Variants in PDE4B observed in about 807,000 individuals in gnomAD.
PDE4B encodes phosphodiesterase 4B.
Under a neutral mutation model 82.2 loss-of-function variants are expected in PDE4B, and 20 were observed. That is an observed-to-expected ratio of 0.24 (90% confidence interval 0.17 to 0.35). The LOEUF (loss-of-function observed/expected upper bound fraction) is 0.35. PDE4B is among the 10% of genes least tolerant of loss of function. The pLI, the probability that PDE4B is intolerant of heterozygous loss-of-function variation, is 1.00. For missense variants in PDE4B, 655 were observed against 907.2 expected (o/e 0.72, Z 3.57); for synonymous variants, 320 against 318.9 (o/e 1.00, Z -0.04).
intron 1 of PDE4B, among the ~76,000 whole-genome samples, chr1:65,892,278 C>T (rs1646860168): frequency 6.6e-6 from 1 of 152,142 alleles, no homozygotes; most frequent in South Asian, 2.1e-4. Context: ...AGGTATCTAT[C>T]TACAAACCAG....
At chr1:66,263,547 C>T (rs1654833075) in intron 6 of PDE4B, among the ~76,000 whole-genome samples, 1 of 152,144 alleles carries the variant, frequency 6.6e-6, no homozygotes, top group African/African-American at 2.4e-5. Context: ...TACTATTTGC[C>T]AGGCAATATG....
At chr1:66,371,624 C>T (rs1570802088) in intron 16 of PDE4B, among the ~76,000 whole-genome samples, 1 of 152,130 alleles carries the variant, frequency 6.6e-6, no homozygotes, top group East Asian at 1.9e-4. Context: ...AAAACAATTG[C>T]ATGGATGTCC....
chr1:66,066,325 T>G (rs1443560785), intron 3 of PDE4B, among the ~76,000 whole-genome samples: 1 of 151,806 alleles, frequency 6.6e-6, no homozygotes, highest in East Asian at 1.9e-4. Context: ...CATTTTTTAG[T>G]CATGTAGATA....
At chr1:66,090,306 G>T (rs1302866039) in intron 3 of PDE4B, among the ~76,000 whole-genome samples, 1 of 151,820 alleles carries the variant, frequency 6.6e-6, no homozygotes, top group Non-Finnish European at 1.5e-5. Context: ...TTCTTCCAGG[G>T]GTGATACAGC....
chr1:66,240,875 G>T (rs1288058482), intron 3 of PDE4B, among the ~76,000 whole-genome samples: 1 of 152,174 alleles, frequency 6.6e-6, no homozygotes, highest in Non-Finnish European at 1.5e-5. Flanking sequence ...AAAGACTGAG[G>T]TGTGGGGGGC....
intron 3 of PDE4B, among the ~76,000 whole-genome samples, chr1:65,958,549 G>A (rs1649373069): frequency 6.6e-6 from 1 of 151,878 alleles, no homozygotes; most frequent in African/African-American, 2.4e-5. Flanking sequence ...TAAATAATGT[G>A]GTAGGATTCA....
At chr1:66,218,439 G>T (rs960735602) in intron 3 of PDE4B, among the ~76,000 whole-genome samples, 2 of 152,122 alleles carry the variant, frequency 1.3e-5, no homozygotes, top group Admixed American at 6.6e-5. Context: ...AGGGAGGTAG[G>T]GAGATGACTC....
chr1:65,935,444 T>G (rs962485531), intron 3 of PDE4B, among the ~76,000 whole-genome samples: 6 of 151,888 alleles, frequency 4.0e-5, no homozygotes, highest in African/African-American at 7.3e-5. Context: ...TAGCTCTGGG[T>G]GAGTCAGTGA....
chr1:65,952,134 T>A (rs1569797700), intron 3 of PDE4B, among the ~76,000 whole-genome samples: 1 of 152,112 alleles, frequency 6.6e-6, no homozygotes, highest in East Asian at 1.9e-4. Context: ...ACCCTGATTG[T>A]AGGACCCTGC....
intron 6 of PDE4B, among the ~76,000 whole-genome samples, chr1:66,264,992 C>T (rs1454547238): frequency 2.0e-5 from 3 of 152,222 alleles, no homozygotes; most frequent in Admixed American, 6.5e-5. Context: ...TTGAGAACCA[C>T]TGGACTAGAG....
chr1:66,170,087 A>C (rs150376189), intron 3 of PDE4B, among the ~76,000 whole-genome samples: 1 of 152,362 alleles, frequency 6.6e-6, no homozygotes, highest in African/African-American at 2.4e-5. Flanking sequence ...CAGGGAAGAT[A>C]ATGAAAATGA....
chr1:66,063,315 A>C (rs2100902988), intron 3 of PDE4B, among the ~76,000 whole-genome samples: 1 of 152,106 alleles, frequency 6.6e-6, no homozygotes, highest in Non-Finnish European at 1.5e-5. Flanking sequence ...ATCCTTTAGA[A>C]TTGAAGAGTA....
intron 9 of PDE4B, among the ~76,000 whole-genome samples, chr1:66,360,947 G>T (rs1234637463): frequency 6.6e-6 from 1 of 151,988 alleles, no homozygotes; most frequent in Admixed American, 6.6e-5. Context: ...TTATTTATTG[G>T]TAGAATTAAT....
At chr1:66,201,521 G>C (rs1648949144) in intron 3 of PDE4B, among the ~76,000 whole-genome samples, 1 of 151,928 alleles carries the variant, frequency 6.6e-6, no homozygotes, top group South Asian at 2.1e-4. Context: ...CACAATTTCA[G>C]ACCCTGTTAT....
At chr1:65,918,354 CATT>C (rs1241471007) in intron 2 of PDE4B, among the ~76,000 whole-genome samples, 1 of 152,192 alleles carries the variant, frequency 6.6e-6, no homozygotes, top group East Asian at 1.9e-4. Context: ...AACTAGTAAA[CATT>C]ATCTATATGC....
intron 1 of PDE4B, among the ~76,000 whole-genome samples, chr1:65,872,969 A>T (rs1646591690): frequency 6.6e-6 from 1 of 152,326 alleles, no homozygotes; most frequent in East Asian, 1.9e-4. Flanking sequence ...ACATCTTCAT[A>T]TGCAAATAAA....
intron 3 of PDE4B, among the ~76,000 whole-genome samples, chr1:66,176,606 T>G (rs952359940): frequency 6.6e-6 from 1 of 152,248 alleles, no homozygotes; most frequent in African/African-American, 2.4e-5. Flanking sequence ...AACTGGTATT[T>G]CTATCAAGGC....
chr1:66,332,463 TGCAGCC>T (rs1392802617), intron 7 of PDE4B, 39 bp from the exon 8 acceptor site: 1 of 1,614,180 alleles, frequency 6.2e-7, no homozygotes, highest in Non-Finnish European at 8.5e-7. Flanking sequence ...ATGGACAGCC[TGCAGCC>T]GCTCCAGCCT....
chr1:66,240,821 T>A (rs1485113787), intron 3 of PDE4B, among the ~76,000 whole-genome samples: 1 of 137,504 alleles, frequency 7.3e-6, no homozygotes, highest in Non-Finnish European at 1.5e-5. Context: ...AGTTGTCTAA[T>A]CTTGTACCTC....
Sources: gnomAD v4.1 joint callset for allele counts (sites outside exome capture counted in the v4.1 genomes callset) on GRCh38, gnomAD v4.1.1 for gene constraint, MANE v1.5 for transcripts, NCBI Gene and HGNC (gene_info 2026-07-23, HGNC 2026-07-21) for gene names.